ROBO2: variants seen among roughly 807,000 people sequenced by gnomAD.
The protein encoded by ROBO2 is roundabout homolog 2.
Under a neutral mutation model 160.8 loss-of-function variants are expected in ROBO2, and 53 were observed. That is an observed-to-expected ratio of 0.33 (90% CI 0.26 to 0.41). The LOEUF (loss-of-function observed/expected upper bound fraction) is 0.41, where lower values mean the gene tolerates loss of function less well. ROBO2 is among the 10% of genes least tolerant of loss of function. ROBO2 has a pLI of 1.00. For missense variants in ROBO2, 1,577 were observed against 1,722.4 expected (o/e 0.92, Z 1.49); for synonymous variants, 664 against 611.7 (o/e 1.09, Z -1.26).
At chr3:76,599,684 T>A (rs1281395197) in intron 2 of ROBO2, among the ~76,000 whole-genome samples, 1 of 152,168 alleles carries the variant, frequency 6.6e-6, no homozygotes, top group Non-Finnish European at 1.5e-5. Context: ...TAAGCATTCC[T>A]TTCGCTTCAC....
At chr3:75,932,156 T>C (rs1947573123) in intron 1 of ROBO2, among the ~76,000 whole-genome samples, 1 of 152,270 alleles carries the variant, frequency 6.6e-6, no homozygotes, top group African/African-American at 2.4e-5. Flanking sequence ...GCATGGTGTT[T>C]AGGAGGAAAA....
At chr3:77,440,617 T>C (rs2079816930) in intron 2 of ROBO2, among the ~76,000 whole-genome samples, 1 of 152,334 alleles carries the variant, frequency 6.6e-6, no homozygotes, top group South Asian at 2.1e-4. Flanking sequence ...TCACTGTGTT[T>C]ATAGTAAACA....
At chr3:76,161,344 T>C (rs2072629470) in intron 2 of ROBO2, among the ~76,000 whole-genome samples, 1 of 152,202 alleles carries the variant, frequency 6.6e-6, no homozygotes, top group South Asian at 2.1e-4. Context: ...TTTTGTGTCT[T>C]AGGGAATTGT....
At chr3:76,242,964 G>A (rs1032683473) in intron 2 of ROBO2, among the ~76,000 whole-genome samples, 4 of 152,046 alleles carry the variant, frequency 2.6e-5, no homozygotes, top group South Asian at 2.1e-4. Context: ...AACACGTAAC[G>A]TATTTATAGA....
At chr3:77,633,906 T>G (rs150312402) in intron 23 of ROBO2, 1 of 152,334 alleles carries the variant, frequency 6.6e-6, no homozygotes, top group East Asian at 1.9e-4. Context: ...AAGGCACAAG[T>G]GCATTTCCTG....
intron 2 of ROBO2, among the ~76,000 whole-genome samples, chr3:75,958,503 T>C (rs900618211): frequency 6.6e-6 from 1 of 151,318 alleles, no homozygotes; most frequent in Non-Finnish European, 1.5e-5. Context: ...TAAGAAAAAA[T>C]AATAGGGAGT....
intron 2 of ROBO2, among the ~76,000 whole-genome samples, chr3:77,100,475 C>G (rs9813714): frequency 0.3 from 45,884 of 151,760 alleles, 7,272 homozygotes; most frequent in East Asian, 0.55. Flanking sequence ...TGATTTTTCA[C>G]TACCTATTGG....
Position 77,040,778 on chromosome 3 carries a change from A to T in ROBO2, c.-8A>T. On this transcript the variant is annotated 5_prime_UTR_variant, in exon 1 of 26. It removes an upstream start codon present in the reference 5' UTR. Transcript: ENST00000461745. ...TTAAAGAATCTGGATCCTTTTTAAT[A>T]TGTCAAAATGAGTCTGCTGATGTTT... 1 of 1,613,916 alleles carries T rather than the reference A, an allele frequency of 6.2e-7. No individual in the cohort carries two copies. The highest frequency in any genetic ancestry group is 2.2e-5 in the East Asian group (1 of 44,854).
intron 2 of ROBO2, 69 bp from the exon 3 acceptor site, chr3:77,477,345 T>C (rs1244499700): frequency 6.6e-7 from 1 of 1,510,594 alleles, no homozygotes; most frequent in Non-Finnish European, 9.2e-7. Flanking sequence ...GACTTGAAGT[T>C]ACCTTGTACA....
rs557451694 is a variant in ROBO2 at position 76,540,954 on chromosome 3, C to T, written c.110-557060C>T. 3.3e-5 allele frequency among the ~76,000 whole-genome samples: 5 copies of T among 152,198 alleles called. No homozygotes were observed. The South Asian group carries it at 1.0e-3, about 32-fold the overall frequency. ...AGCTGGGATTACAGGCATGCACCAC[C>T]GCATCTAGCTAAATTTTGTATTTTT... On this transcript the variant is annotated intron_variant, in intron 2 of 26. Transcript: ENST00000487694.
At chr3:75,947,268 C>A (rs556053198) in intron 2 of ROBO2, among the ~76,000 whole-genome samples, 1 of 152,140 alleles carries the variant, frequency 6.6e-6, no homozygotes, top group South Asian at 2.1e-4. Context: ...CAAGTAGGCA[C>A]TGACAAGTTG....
chr3:77,639,174 T>C (rs1366062606), intron 24 of ROBO2, among the ~76,000 whole-genome samples: 11 of 152,134 alleles, frequency 7.2e-5, no homozygotes. Flanking sequence ...AGGGGCTCTT[T>C]CTCAGCTCTG....
intron 2 of ROBO2, among the ~76,000 whole-genome samples, chr3:77,021,447 G>A (rs1192399983): frequency 1.3e-5 from 2 of 151,888 alleles, no homozygotes; most frequent in East Asian, 1.9e-4. Flanking sequence ...GAAATATTAC[G>A]CTAACCCTCC....
chr3:77,266,202 A>T lies in ROBO2; in HGVS notation c.388+167862A>T, dbSNP rs935884497. Among the ~76,000 whole-genome samples, 143 of 149,490 alleles carry T rather than the reference A, an allele frequency of 9.6e-4. 1 individual carries two copies. Among genetic ancestry groups the T allele is most frequent in the African/African-American group, 3.4e-3 (138 of 40,684 alleles). Reference sequence around the variant, plus strand: ...ATTTATTTCTACTTTTTTTTTTTTTAATCTTCATCTCTTATTCCTGCACTC... The same window carrying T: ...ATTTATTTCTACTTTTTTTTTTTTTTATCTTCATCTCTTATTCCTGCACTC... On this transcript the variant is annotated intron_variant, in intron 2 of 25. Coordinates refer to ENST00000461745, the Ensembl canonical transcript of ROBO2.
chr3:76,570,188 C>T (rs1294469565), intron 2 of ROBO2, among the ~76,000 whole-genome samples: 1 of 152,072 alleles, frequency 6.6e-6, no homozygotes, highest in African/African-American at 2.4e-5. Flanking sequence ...AACTGTTGGT[C>T]AACTACTGAT....
chr3:76,065,993 G>T (rs987121017), intron 2 of ROBO2, among the ~76,000 whole-genome samples: 12 of 150,312 alleles, frequency 8.0e-5, no homozygotes, highest in Non-Finnish European at 1.3e-4. Context: ...ATTTAGGATT[G>T]TTTTCTTTTG....
intron 2 of ROBO2, among the ~76,000 whole-genome samples, chr3:76,657,423 TCAAA>T (rs1014894230): frequency 2.1e-4 from 31 of 147,774 alleles, no homozygotes; most frequent in Admixed American, 3.4e-4. Flanking sequence ...AGACTCCGTC[TCAAA>T]CAAACAAACA....
In ROBO2 at chr3:76,994,426, G is replaced by A. The variant is rs79718990; in HGVS notation, c.110-103588G>A. 6.0e-4 allele frequency among the ~76,000 whole-genome samples: 92 copies of A among 152,138 alleles called. 2 individuals carry two copies. In the South Asian group the frequency reaches 0.015, roughly 24 times the overall value. ...GGAAAGTTGGAAACTGCTTTTATTG[G>A]TTACTCTTTTCTTTGCTAATTATAA... On this transcript the variant is annotated intron_variant, in intron 2 of 26. Coordinates refer to the ROBO2 transcript ENST00000487694.
intron 16 of ROBO2, 38 bp from the exon 18 acceptor site, chr3:77,588,713 C>T (rs764253980): frequency 1.1e-5 from 17 of 1,577,994 alleles, no homozygotes; most frequent in African/African-American, 1.4e-5. Flanking sequence ...TGCTTATTTT[C>T]GTTTTAATAT....
Sources: allele counts gnomAD v4.1 joint callset (sites outside exome capture counted in the v4.1 genomes callset), GRCh38; gene constraint gnomAD v4.1.1; transcripts MANE v1.5; gene names NCBI Gene and HGNC (gene_info 2026-07-23, HGNC 2026-07-21).